PXN: variants seen among roughly 807,000 people sequenced by gnomAD.
PXN encodes paxillin.
PXN carries 61 observed loss-of-function variants against 103.6 expected under a neutral mutation model. That is an observed-to-expected ratio of 0.59 (90% CI 0.48 to 0.73). The LOEUF is 0.73. PXN is among the 30% of genes least tolerant of loss of function. The pLI, the probability that PXN is intolerant of heterozygous loss-of-function variation, is 0.00. For missense variants in PXN, 1,274 were observed against 1,460.3 expected (o/e 0.87, Z 2.08); for synonymous variants, 562 against 607.8 (o/e 0.92, Z 1.11).
In PXN at chr12:120,265,541, G is replaced by T; in HGVS notation, c.13+76C>A. 1 of 1,446,872 alleles carries T rather than the reference G, an allele frequency of 6.9e-7. No individual in the cohort carries two copies. The allele number at this position is 1,446,872 out of a possible 1,614,324, so 89.6% of individuals were successfully genotyped here. A position where few individuals can be genotyped will look rare whatever the true frequency, so the allele number is the denominator to read the frequency against. ...CCGAGGGTGGGATCCCGCGGCCCCT[G>T]CCGCTCGCTGGCGCCCTCCTGGCCC... On this transcript the variant is annotated intron_variant, in intron 1 of 14. Transcript: ENST00000637617. The surrounding 1 kb of genome is among the most constrained non-coding windows in gnomAD (Gnocchi z 5.7).
chr12:120,257,915 G>A (rs891258239), intron 1 of PXN, among the ~76,000 whole-genome samples: 1 of 152,162 alleles, frequency 6.6e-6, no homozygotes. Flanking sequence ...TGCTGTGGCT[G>A]GGCACCGTGG....
At chr12:120,243,478 G>A (rs988513422) in intron 1 of PXN, among the ~76,000 whole-genome samples, 6 of 152,146 alleles carry the variant, frequency 3.9e-5, no homozygotes, top group Non-Finnish European at 7.3e-5. Context: ...TTGCTTGAGG[G>A]CAGAAATTTG....
intron 1 of PXN, chr12:120,264,082 G>A (rs1008853650): frequency 6.6e-6 from 1 of 152,044 alleles, no homozygotes; most frequent in Non-Finnish European, 1.5e-5. Context: ...CTGGAAAAAT[G>A]GGTGCCAAGC....
In PXN at chr12:120,214,149, G is replaced by A. The variant is rs1271126404; in HGVS notation, c.2817C>T (p.Phe939=). 21 of 1,552,684 alleles carry A rather than the reference G, an allele frequency of 1.4e-5. No individual in the cohort carries two copies. The highest frequency in any genetic ancestry group is 1.7e-5 in the Non-Finnish European group (20 of 1,147,700). The change falls in exon 13 of 15, where the codon TTC becomes TTT. Residue 939 remains phenylalanine, a synonymous_variant. Coordinates refer to ENST00000637617, the MANE Select transcript of PXN (RefSeq NM_001385981.1). The surrounding 1 kb of genome is among the most constrained non-coding windows in gnomAD (Gnocchi z 5.0). The part of the protein sequence containing the change: ...EHFFCAQCGA[F]FGPEGFHEKD... ...TCCAGCCCGTACCTTCGGGACCAAA[G>A]AAGGCTCCACACTGTGCACAGAAGA...
chr12:120,255,749 AAGTT>A (rs1279899953), intron 1 of PXN, among the ~76,000 whole-genome samples: 1 of 151,892 alleles, frequency 6.6e-6, no homozygotes, highest in Non-Finnish European at 1.5e-5. Flanking sequence ...CAAAGTAAAA[AAGTT>A]AGTAAGTGCA....
Position 120,220,147 on chromosome 12 carries a change from G to T in PXN, c.832-56C>A. 5 of 725,808 alleles carry T rather than the reference G, an allele frequency of 6.9e-6. No homozygotes were observed. Among genetic ancestry groups the T allele is most frequent in the Non-Finnish European group, 1.1e-5 (5 of 455,540 alleles). The allele number at this position is 725,808 out of a possible 1,614,324, so 45.0% of individuals were successfully genotyped here. A position where few individuals can be genotyped will look rare whatever the true frequency, so the allele number is the denominator to read the frequency against. On this transcript the variant is annotated intron_variant, in intron 6 of 14. Transcript: ENST00000637617. This position sits in a 1 kb window ranked among gnomAD's most constrained non-coding sequence, Gnocchi z 6.1. ...GAGAGAGAGAGATGAGGGGAGTGAG[G>T]ACGGCTGCACCTTGCAGGCGGTGGG...
At chr12:120,235,549 C>T (rs1254853347) in intron 1 of PXN, among the ~76,000 whole-genome samples, 2 of 152,128 alleles carry the variant, frequency 1.3e-5, no homozygotes, top group Non-Finnish European at 2.9e-5. Context: ...GTCCTCTGCT[C>T]GTCACCACTC....
intron 1 of PXN, among the ~76,000 whole-genome samples, chr12:120,239,189 G>A (rs566063872): frequency 6.6e-6 from 1 of 152,250 alleles, no homozygotes; most frequent in Non-Finnish European, 1.5e-5. Context: ...GATCACGCCT[G>A]TAATCCCAGC....
rs1010899733 is a variant in PXN, at chr12:120,217,809, C to T, written c.1717-693G>A. 2.0e-5 allele frequency among the ~76,000 whole-genome samples: 3 copies of T among 150,546 alleles called. No homozygotes were observed. The highest frequency in any genetic ancestry group is 6.6e-5 in the Admixed American group (1 of 15,084). ...GAGATGGGGTTTCATCATGTTGGTTCGGCTGGTCTCAAACTCCTGACCTCG... is the reference window on the plus strand; with the variant it reads ...GAGATGGGGTTTCATCATGTTGGTTTGGCTGGTCTCAAACTCCTGACCTCG... On this transcript the variant is annotated intron_variant, in intron 7 of 14. Transcript: ENST00000637617. This position sits in a 1 kb window ranked among gnomAD's most constrained non-coding sequence, Gnocchi z 4.1.
In PXN at chr12:120,220,094, G is replaced by T; in HGVS notation, c.832-3C>A. On this transcript the variant is annotated splice_region_variant and splice_polypyrimidine_tract_variant and intron_variant, in intron 6 of 14. Transcript: ENST00000637617. The surrounding 1 kb of genome is among the most constrained non-coding windows in gnomAD (Gnocchi z 6.1). The stretch of plus-strand genomic sequence containing the variant: ...AGAGCCACAGTGGAGGAGCTGGTCT[G>T]GAGAAGAGAGAAATGCAGAGGGGAG... 1 of 1,109,270 alleles carries T rather than the reference G, an allele frequency of 9.0e-7. No homozygotes were observed. The highest frequency in any genetic ancestry group is 1.3e-6 in the Non-Finnish European group (1 of 787,134). The allele number at this position is 1,109,270 out of a possible 1,614,324, so 68.7% of individuals were successfully genotyped here. A position where few individuals can be genotyped will look rare whatever the true frequency, so the allele number is the denominator to read the frequency against.
chr12:120,224,351 T>C lies in PXN; in HGVS notation c.40A>G (p.Thr14Ala). The change falls in exon 2 of 15, where the codon ACC becomes GCC. Residue 14 changes from threonine (T) to alanine (A), a missense_variant. By Grantham distance (58) the Thr-to-Ala change is moderately conservative (BLOSUM62 0). Around this residue, in one of 2 missense-constraint regions of PXN, gnomAD observed 1,178 missense variants for 1,309.0 expected, o/e 0.90. Transcript: ENST00000637617. The surrounding 1 kb of genome is among the most constrained non-coding windows in gnomAD (Gnocchi z 5.0). ...LDALLADLES[T>A]TSHISKRPVF... ...GGCCGTTTGGAGATGTGGGAGGTGGTAGACTCCAAGTCCGCCAGCAGGGCG... is the reference window on the plus strand; with the variant it reads ...GGCCGTTTGGAGATGTGGGAGGTGGCAGACTCCAAGTCCGCCAGCAGGGCG... The C allele has an allele frequency of 6.2e-7, 1 of 1,613,816 alleles. No homozygotes were observed. Among genetic ancestry groups the C allele is most frequent in the Non-Finnish European group, 8.5e-7 (1 of 1,179,832 alleles).
intron 1 of PXN, among the ~76,000 whole-genome samples, chr12:120,243,330 C>T (rs1368577839): frequency 2.0e-5 from 3 of 152,186 alleles, no homozygotes; most frequent in African/African-American, 7.2e-5. Flanking sequence ...AATCTTATTA[C>T]AGAATGACCA....
chr12:120,215,298 A>C lies in PXN; in HGVS notation c.2404-25T>G. 6.4e-7 allele frequency: 1 copy of C among 1,566,872 alleles called. No individual in the cohort carries two copies. Among genetic ancestry groups the C allele is most frequent in the Non-Finnish European group, 8.6e-7 (1 of 1,159,322 alleles). On this transcript the variant is annotated intron_variant, in intron 10 of 14. Transcript: ENST00000637617. This position sits in a 1 kb window ranked among gnomAD's most constrained non-coding sequence, Gnocchi z 4.9. ...ACTGTGGACACGGAGGGGGCTGGTC[A>C]GGACTCCTGAGGCTCGGGGTACGGT...
chr12:120,224,050 C>G lies in PXN; in HGVS notation c.240+101G>C. The G allele has an allele frequency of 9.9e-7, 1 of 1,007,164 alleles. No individual in the cohort carries two copies. The highest frequency in any genetic ancestry group is 1.4e-6 in the Non-Finnish European group (1 of 691,692). 62.4% of individuals were successfully genotyped at this position (1,007,164 alleles called of 1,614,324 possible). A position where few individuals can be genotyped will look rare whatever the true frequency, so the allele number is the denominator to read the frequency against. Reference sequence around the variant, plus strand: ...GTGTCTGGTTGGGAAGGGTCGACTGCCCCAATTCCATTCCATCCCCTGGCT... The same window carrying G: ...GTGTCTGGTTGGGAAGGGTCGACTGGCCCAATTCCATTCCATCCCCTGGCT... On this transcript the variant is annotated intron_variant, in intron 2 of 14. Coordinates refer to ENST00000637617, the MANE Select transcript of PXN (RefSeq NM_001385981.1). This position sits in a 1 kb window ranked among gnomAD's most constrained non-coding sequence, Gnocchi z 5.0.
At chr12:120,223,898 G>T in intron 2 of PXN, 65 bp from the exon 3 acceptor site, 2 of 1,271,262 alleles carry the variant, frequency 1.6e-6, no homozygotes, top group Non-Finnish European at 1.1e-6. Context: ...GCCAGGAGCA[G>T]CTCCAGTCAC....
Position 120,217,097 on chromosome 12 carries a change from C to T in PXN, c.1736G>A (p.Arg579Lys). ...GTGTGCGTGGCCAGACTCCCAGCTC[C>T]TCCTGATCACAGATCGGATCTAGGG... is the stretch of plus-strand genomic sequence containing the variant. The part of the protein sequence containing the change: ...TSGQIRSVIR[R>K]SWESGHAHPM... Residue 579 changes from arginine to lysine, a missense_variant, in exon 8 of 15, where the codon AGG becomes AAG. Around this residue, in one of 2 missense-constraint regions of PXN, gnomAD observed 1,178 missense variants for 1,309.0 expected, o/e 0.90. Coordinates refer to ENST00000637617, the MANE Select transcript of PXN (RefSeq NM_001385981.1). The surrounding 1 kb of genome is among the most constrained non-coding windows in gnomAD (Gnocchi z 4.1). 2 of 1,590,030 alleles carry T rather than the reference C, an allele frequency of 1.3e-6. No homozygotes were observed. Among genetic ancestry groups the T allele is most frequent in the Non-Finnish European group, 1.7e-6 (2 of 1,176,612 alleles).
intron 1 of PXN, among the ~76,000 whole-genome samples, chr12:120,238,270 T>C (rs918199912): frequency 1.3e-5 from 2 of 152,130 alleles, no homozygotes; most frequent in African/African-American, 4.8e-5. Context: ...GGAACAGAAC[T>C]CAAATGAGAC....
Position 120,215,125 on chromosome 12 carries a change from C to G in PXN, c.2552G>C (p.Cys851Ser). 1 of 1,573,776 alleles carries G rather than the reference C, an allele frequency of 6.4e-7. No homozygotes were observed. Among genetic ancestry groups the G allele is most frequent in the Non-Finnish European group, 8.6e-7 (1 of 1,157,492 alleles). Residue 851 changes from cysteine to serine, a missense_variant, in exon 11 of 15, where the codon TGC (cysteine) becomes TCC (serine). Cys to Ser is a moderately radical substitution (Grantham distance 112). Transcript: ENST00000637617. This position sits in a 1 kb window ranked among gnomAD's most constrained non-coding sequence, Gnocchi z 4.9. ...CACCTGCCCGGCGATGGGCTTCTTG[C>G]AGGCCCCGCAGACTCCTTTGGCGAC... Reference protein sequence around the residue: ...ATVAKGVCGACKKPIAGQVVT... With the variant: ...ATVAKGVCGASKKPIAGQVVT...
chr12:120,246,682 G>C (rs1891210202), intron 1 of PXN, among the ~76,000 whole-genome samples: 3 of 151,430 alleles, frequency 2.0e-5, no homozygotes, highest in South Asian at 4.2e-4. Flanking sequence ...GTAAAACCCT[G>C]TCTCTACTAA....
Sources: gnomAD v4.1 joint callset for allele counts (sites outside exome capture counted in the v4.1 genomes callset) on GRCh38, gnomAD v4.1.1 for gene constraint, gnomAD v4.1.1 regional missense constraint, Gnocchi (gnomAD v3.1) non-coding constraint, MANE v1.5 for transcripts, NCBI Gene and HGNC (gene_info 2026-07-23, HGNC 2026-07-21) for gene names.